SMIM13: variants seen among roughly 807,000 people sequenced by gnomAD.
SMIM13 encodes the protein UPF0766 protein C6orf228.
Under a neutral mutation model 5.9 loss-of-function variants are expected in SMIM13, and 3 were observed. That is an observed-to-expected ratio of 0.51 (90% CI 0.23 to 1.31). The LOEUF is 1.31. Among genes scored for constraint, SMIM13 ranks in the 40% most tolerant of loss-of-function variants. SMIM13 has a pLI of 0.18. For synonymous variants in SMIM13, 55 were observed against 46.0 expected, an observed-to-expected ratio of 1.19 and a Z score of -0.79; for missense variants, 85 against 109.9, an observed-to-expected ratio of 0.77 and a Z score of 1.01.
chr6:11,120,948 A>G (rs1364787015), intron 1 of SMIM13, among the ~76,000 whole-genome samples: 1 of 152,184 alleles, frequency 6.6e-6, no homozygotes, highest in Non-Finnish European at 1.5e-5. Flanking sequence ...TCATCACTCA[A>G]GTTCATCTAT....
chr6:11,104,666 A>G (rs968627583), intron 1 of SMIM13: 2 of 1,614,080 alleles, frequency 1.2e-6, no homozygotes, highest in African/African-American at 2.7e-5. Context: ...AAATTTGCAG[A>G]CATTGGTTAT....
chr6:11,131,661 A>G (rs1758451215), intron 1 of SMIM13, among the ~76,000 whole-genome samples: 1 of 152,200 alleles, frequency 6.6e-6, no homozygotes, highest in African/African-American at 2.4e-5. Flanking sequence ...AAAGGTGCCA[A>G]GATAATATAA....
Position 11,137,763 on chromosome 6 carries a change from G to A in SMIM13, c.*3161G>A, listed in dbSNP as rs576504299. 1 of 152,242 alleles carries A rather than the reference G, an allele frequency of 6.6e-6. No individual in the cohort carries two copies. The highest frequency in any genetic ancestry group is 2.1e-4 in the South Asian group (1 of 4,824). 9.4% of individuals were successfully genotyped at this position (152,242 alleles called of 1,614,324 possible). On this transcript the variant is annotated 3_prime_UTR_variant, in exon 2 of 2. Coordinates refer to ENST00000416247, the MANE Select transcript of SMIM13 (RefSeq NM_001135575.2). ...GCCAAAAACACTAAATATTTGTGTA[G>A]TGCTGTTAAATGAGGTTTTTGATAT...
chr6:11,131,106 T>G (rs1281014745), intron 1 of SMIM13, among the ~76,000 whole-genome samples: 1 of 152,104 alleles, frequency 6.6e-6, no homozygotes, highest in Non-Finnish European at 1.5e-5. Flanking sequence ...TAAGTTACAT[T>G]TTTGAGTCTA....
At chr6:11,098,250 C>G (rs943128217) in intron 1 of SMIM13, among the ~76,000 whole-genome samples, 1 of 152,222 alleles carries the variant, frequency 6.6e-6, no homozygotes, top group Admixed American at 6.5e-5. Context: ...TTTCTCACCT[C>G]TCATTCATTC....
At chr6:11,107,231 G>A (rs985026815) in intron 1 of SMIM13, among the ~76,000 whole-genome samples, 3 of 152,202 alleles carry the variant, frequency 2.0e-5, no homozygotes, top group Non-Finnish European at 2.9e-5. Context: ...CCTGGTAGTG[G>A]CAGTAAGGAA....
chr6:11,126,118 C>T (rs539313273), intron 1 of SMIM13, among the ~76,000 whole-genome samples: 3 of 152,226 alleles, frequency 2.0e-5, no homozygotes, highest in South Asian at 2.1e-4. Context: ...GGCACCATCT[C>T]GGCTCACCAC....
At chr6:11,098,308 G>C (rs1237352243) in intron 1 of SMIM13, among the ~76,000 whole-genome samples, 1 of 152,240 alleles carries the variant, frequency 6.6e-6, no homozygotes, top group Non-Finnish European at 1.5e-5. Flanking sequence ...TGTTGTCAAA[G>C]TCAGTAACAG....
rs933354304 is a variant in SMIM13 at position 11,135,325 on chromosome 6, G to A, written c.*723G>A. The A allele has an allele frequency of 6.6e-6, 1 of 152,570 alleles. No homozygotes were observed. The highest frequency in any genetic ancestry group is 1.5e-5 in the Non-Finnish European group (1 of 68,022). The allele number at this position is 152,570 out of a possible 1,614,324, so 9.5% of individuals were successfully genotyped here. On this transcript the variant is annotated 3_prime_UTR_variant, in exon 2 of 2. Transcript: ENST00000416247. Reference sequence around the variant, plus strand: ...GAAAGGTAGGTACCCACAAGTAGATGAAGCTGTACTACGTTTCGTCAGTGA... The same window carrying A: ...GAAAGGTAGGTACCCACAAGTAGATAAAGCTGTACTACGTTTCGTCAGTGA...
chr6:11,098,249 T>G, intron 1 of SMIM13, among the ~76,000 whole-genome samples: 1 of 152,184 alleles, frequency 6.6e-6, no homozygotes, highest in Non-Finnish European at 1.5e-5. Context: ...CTTTCTCACC[T>G]CTCATTCATT....
rs1258324122 is a variant in SMIM13, at chr6:11,105,524, G to A, written c.76+11135G>A. The A allele has an allele frequency of 5.7e-6, 3 of 529,656 alleles. No individual in the cohort carries two copies. The East Asian group carries it at 9.7e-5, about 17-fold the overall frequency. 32.8% of individuals were successfully genotyped at this position (529,656 alleles called of 1,614,324 possible). ...TTAGATCTTCCAGTGCCTTGCAAGTGTATTCCGGAGCTGAGGTTGCTGGTT... is the reference window on the plus strand; with the variant it reads ...TTAGATCTTCCAGTGCCTTGCAAGTATATTCCGGAGCTGAGGTTGCTGGTT... On this transcript the variant is annotated intron_variant, in intron 1 of 1. Transcript: ENST00000416247.
chr6:11,117,016 T>C (rs1326164782), intron 1 of SMIM13, among the ~76,000 whole-genome samples: 4 of 116,578 alleles, frequency 3.4e-5, no homozygotes, highest in Non-Finnish European at 6.8e-5. Context: ...TTTTGAGACG[T>C]AGTCTTGCTC....
At chr6:11,104,758 A>G (rs747510057) in intron 1 of SMIM13, 8 of 1,614,242 alleles carry the variant, frequency 5.0e-6, no homozygotes, top group Non-Finnish European at 5.9e-6. Context: ...TTATCTAGCA[A>G]AGTTCCCTGA....
chr6:11,094,362 C>T lies in SMIM13; in HGVS notation c.49C>T (p.Leu17=), dbSNP rs539522616. 227 of 1,537,908 alleles carry T rather than the reference C, an allele frequency of 1.5e-4. No homozygotes were observed. Among genetic ancestry groups the T allele is most frequent in the Non-Finnish European group, 1.8e-4 (206 of 1,144,050 alleles). The change falls in exon 1 of 2, where the codon CTG becomes TTG. Residue 17 remains leucine, a synonymous_variant. Transcript: ENST00000416247. ...TCTGCTTGTGTTCGTGGCCACGCTG[C>T]TGATCGTCCTGCTGCTGATGGTGTG... The part of the protein sequence containing the change: ...LTLLVFVATL[L]IVLLLMVCGW...
chr6:11,095,705 T>G (rs972492587), intron 1 of SMIM13, among the ~76,000 whole-genome samples: 33 of 152,350 alleles, frequency 2.2e-4, no homozygotes, highest in African/African-American at 7.9e-4. Context: ...GGTTAAAGCT[T>G]CTAATTTACA....
At chr6:11,100,585 A>G (rs939038100) in intron 1 of SMIM13, among the ~76,000 whole-genome samples, 3 of 151,822 alleles carry the variant, frequency 2.0e-5, no homozygotes, top group Admixed American at 2.0e-4. Context: ...TATCTTTTTC[A>G]GTTTCCATTC....
intron 1 of SMIM13, among the ~76,000 whole-genome samples, chr6:11,108,765 C>T (rs778875418): frequency 4.9e-4 from 74 of 152,190 alleles, no homozygotes; most frequent in Non-Finnish European, 8.2e-4. Flanking sequence ...GGATCCAGTG[C>T]TAGTTTCTGG....
intron 1 of SMIM13, among the ~76,000 whole-genome samples, chr6:11,129,124 T>A (rs1173782152): frequency 6.6e-6 from 1 of 152,034 alleles, no homozygotes; most frequent in Non-Finnish European, 1.5e-5. Flanking sequence ...CATCTTCCTC[T>A]GCCTCCCTCC....
In SMIM13 at chr6:11,134,423, C is replaced by CT. The variant is rs906089964; in HGVS notation, c.104dup (p.Leu35PhefsTer22). 2.7e-5 allele frequency: 42 copies of CT among 1,550,582 alleles called. No individual in the cohort carries two copies. Among genetic ancestry groups the CT allele is most frequent in the African/African-American group, 5.5e-5 (4 of 72,932 alleles). ...TGTAGGTTGGTATTTTGTATGGCAT[C>CT]TTTTTTTATCAAAATTCAAGTTTCT... On this transcript the variant is annotated frameshift_variant, in exon 2 of 2. Coordinates refer to ENST00000416247, the MANE Select transcript of SMIM13 (RefSeq NM_001135575.2). LOFTEE classifies it high-confidence loss of function.
Sources: allele counts gnomAD v4.1 joint callset (sites outside exome capture counted in the v4.1 genomes callset), GRCh38; gene constraint gnomAD v4.1.1; transcripts MANE v1.5; gene names NCBI Gene and HGNC (gene_info 2026-07-23, HGNC 2026-07-21).